The following LRCH1 variants were observed in gnomAD, a reference collection of about 807,000 sequenced individuals.
LRCH1 encodes leucine-rich repeat and calponin homology domain-containing protein 1.
A neutral mutation model predicts 94.9 loss-of-function variants in LRCH1; 23 were observed. That is an observed-to-expected ratio of 0.24 (90% CI 0.17 to 0.34). The LOEUF is 0.34. Among genes scored for constraint, LRCH1 ranks in the 10% least tolerant of loss-of-function variants. The pLI is 1.00. For synonymous variants in LRCH1, 364 were observed against 354.9 expected (o/e 1.03, Z -0.29); for missense variants, 790 against 945.9 (o/e 0.84, Z 2.16).
rs145832384 is a variant in LRCH1, at chr13:46,646,476, A to T, written c.308-3725A>T. Among the ~76,000 whole-genome samples the T allele has an allele frequency of 4.1e-4, 62 of 152,320 alleles. No individual in the cohort carries two copies. The East Asian group carries it at 6.6e-3, about 16-fold the overall frequency. Reference sequence around the variant, plus strand: ...AACAGTTTCTTGTGTAGCTTTCCAGACACAATCTACTTATATTTAAATAAT... The same window carrying T: ...AACAGTTTCTTGTGTAGCTTTCCAGTCACAATCTACTTATATTTAAATAAT... On this transcript the variant is annotated intron_variant, in intron 1 of 19. Transcript: ENST00000389797.
chr13:46,641,904 T>C (rs2051162082), intron 1 of LRCH1, among the ~76,000 whole-genome samples: 1 of 152,234 alleles, frequency 6.6e-6, no homozygotes. Context: ...TGGTGACTCT[T>C]ATTGTTTTAT....
chr13:46,579,463 C>CTT (rs138919787), intron 1 of LRCH1, among the ~76,000 whole-genome samples: 2,146 of 146,744 alleles, frequency 0.015, 58 homozygotes, highest in African/African-American at 0.049. Flanking sequence ...AATTTCTTTT[C>CTT]TTTTTTTTTT....
intron 9 of LRCH1, among the ~76,000 whole-genome samples, chr13:46,696,397 CTTAAG>C (rs1308352193): frequency 3.3e-5 from 5 of 152,124 alleles, no homozygotes; most frequent in Admixed American, 1.3e-4. Context: ...GAGCATTCAT[CTTAAG>C]TTAAGAATCT....
chr13:46,635,941 C>T (rs994211575), intron 1 of LRCH1, among the ~76,000 whole-genome samples: 6 of 151,892 alleles, frequency 4.0e-5, no homozygotes, highest in African/African-American at 1.5e-4. Context: ...TTTACTTTGA[C>T]TTGCCTGAAC....
Position 46,553,246 on chromosome 13 carries a change from C to CAAA in LRCH1, c.-151_-150insAAA. On this transcript the variant is annotated 5_prime_UTR_variant, in exon 1 of 20. Transcript: ENST00000389797. The stretch of plus-strand genomic sequence containing the variant: ...GCCGCCTCCCCGCCCGCCCCCCATT[C>CAAA]TACGCGCCTGCCCACACCCTCCTCC... 2 of 354,332 alleles carry CAAA rather than the reference C, an allele frequency of 5.6e-6. No individual in the cohort carries two copies. Among genetic ancestry groups the CAAA allele is most frequent in the Non-Finnish European group, 1.1e-5 (2 of 187,592 alleles). The allele number at this position is 354,332 out of a possible 1,614,324, so 21.9% of individuals were successfully genotyped here.
At chr13:46,683,680 CAT>C (rs1462255482) in intron 4 of LRCH1, among the ~76,000 whole-genome samples, 4 of 152,246 alleles carry the variant, frequency 2.6e-5, no homozygotes, top group South Asian at 2.1e-4. Flanking sequence ...AGTCTGGAAA[CAT>C]GTGGAAAGTA....
Position 46,558,112 on chromosome 13 carries a change from A to G in LRCH1, c.307+4409A>G, listed in dbSNP as rs144376186. 3.1e-3 allele frequency among the ~76,000 whole-genome samples: 467 copies of G among 152,326 alleles called. 1 individual carries two copies. Among genetic ancestry groups the G allele is most frequent in the African/African-American group, 0.011 (440 of 41,574 alleles). On this transcript the variant is annotated intron_variant, in intron 1 of 19. Transcript: ENST00000389797. ...GAGCTTACTCAGGGAAGAATATTGA[A>G]GTGCAGCATTAAAAATACCCATTTA...
intron 14 of LRCH1, 113 bp from the exon 15 acceptor site, chr13:46,712,412 C>A: frequency 2.6e-6 from 2 of 772,682 alleles, no homozygotes; most frequent in Non-Finnish European, 2.1e-6. Flanking sequence ...CACACAGCAG[C>A]GAATGCAAAA....
chr13:46,659,639 A>G (rs2051419880), intron 2 of LRCH1, among the ~76,000 whole-genome samples: 1 of 152,166 alleles, frequency 6.6e-6, no homozygotes, highest in African/African-American at 2.4e-5. Flanking sequence ...GTTTCCTTTC[A>G]GATTGTGTGT....
intron 1 of LRCH1, among the ~76,000 whole-genome samples, chr13:46,610,326 G>A (rs2050733813): frequency 6.6e-6 from 1 of 152,094 alleles, no homozygotes; most frequent in Non-Finnish European, 1.5e-5. Context: ...TCCTAGGGTA[G>A]TGCTGATTTA....
At chr13:46,595,782 A>G (rs182909000) in intron 1 of LRCH1, among the ~76,000 whole-genome samples, 27 of 152,236 alleles carry the variant, frequency 1.8e-4, no homozygotes, top group Middle Eastern at 3.4e-3. Context: ...TTAGGCACAT[A>G]CTGGTTGTTC....
intron 3 of LRCH1, among the ~76,000 whole-genome samples, chr13:46,670,702 C>T (rs548540824): frequency 4.1e-4 from 57 of 139,470 alleles, no homozygotes; most frequent in African/African-American, 1.4e-3. Context: ...GAAGCATGTG[C>T]ACGAGGCAGG....
chr13:46,712,927 C>T (rs1183380914), intron 15 of LRCH1, among the ~76,000 whole-genome samples: 1 of 152,170 alleles, frequency 6.6e-6, no homozygotes, highest in Admixed American at 6.5e-5. Context: ...GTTCCTGCTG[C>T]TCGGCTGAGT....
intron 2 of LRCH1, among the ~76,000 whole-genome samples, chr13:46,665,193 A>G (rs1461661578): frequency 1.3e-5 from 2 of 152,242 alleles, no homozygotes; most frequent in Non-Finnish European, 1.5e-5. Flanking sequence ...ACCTGTAAGA[A>G]CATAGCATGT....
intron 17 of LRCH1, among the ~76,000 whole-genome samples, chr13:46,723,733 G>A (rs1371873421): frequency 1.3e-5 from 2 of 152,152 alleles, no homozygotes; most frequent in South Asian, 2.1e-4. Context: ...CCAGGAATGC[G>A]AGGCTGCAGT....
intron 3 of LRCH1, among the ~76,000 whole-genome samples, chr13:46,675,966 A>T (rs1197888504): frequency 2.0e-5 from 3 of 152,204 alleles, no homozygotes; most frequent in Admixed American, 6.5e-5. Flanking sequence ...AGTTTAAATG[A>T]ACATATTTTC....
chr13:46,595,242 C>G (rs1189646109), intron 1 of LRCH1, among the ~76,000 whole-genome samples: 1 of 152,040 alleles, frequency 6.6e-6, no homozygotes, highest in Non-Finnish European at 1.5e-5. Flanking sequence ...CTTTGGTGAA[C>G]TTAGAGGATG....
chr13:46,615,076 A>G (rs1338076386), intron 1 of LRCH1, among the ~76,000 whole-genome samples: 1 of 152,200 alleles, frequency 6.6e-6, no homozygotes, highest in Non-Finnish European at 1.5e-5. Context: ...TACTGCTGAC[A>G]ATTTAGTCTT....
chr13:46,636,786 T>C (rs144351820), intron 1 of LRCH1, among the ~76,000 whole-genome samples: 57 of 152,330 alleles, frequency 3.7e-4, no homozygotes, highest in Admixed American at 2.7e-3. Flanking sequence ...GGGACCTTGC[T>C]GGCCTGTGTT....
Sources: gnomAD v4.1 joint callset for allele counts (sites outside exome capture counted in the v4.1 genomes callset) on GRCh38, gnomAD v4.1.1 for gene constraint, MANE v1.5 for transcripts, NCBI Gene and HGNC (gene_info 2026-07-23, HGNC 2026-07-21) for gene names.